The following SNX29 variants were observed in gnomAD, a reference collection of about 807,000 sequenced individuals.
The protein encoded by SNX29 is sorting nexin 29, also known as sorting nexin-29.
A neutral mutation model predicts 102.1 loss-of-function variants in SNX29; 78 were observed. That is an observed-to-expected ratio of 0.76 (90% CI 0.64 to 0.92). SNX29 has a LOEUF of 0.92. SNX29 is among the 40% of genes least tolerant of loss of function. SNX29 has a pLI of 0.00. For synonymous variants in SNX29, 580 were observed against 414.5 expected, an observed-to-expected ratio of 1.40 and a Z score of -4.85; for missense variants, 1,280 against 1,061.7, an observed-to-expected ratio of 1.21 and a Z score of -2.86.
chr16:12,033,243 C>CAT (rs572429376), intron 4 of SNX29, among the ~76,000 whole-genome samples: 76 of 151,642 alleles, frequency 5.0e-4, no homozygotes, highest in Admixed American at 7.9e-4. Context: ...CCCCTTTTTT[C>CAT]ATATATATAT....
intron 19 of SNX29, among the ~76,000 whole-genome samples, chr16:12,520,196 G>T (rs780562324): frequency 2.0e-5 from 3 of 152,138 alleles, no homozygotes; most frequent in Non-Finnish European, 2.9e-5. Flanking sequence ...AGTGCCTGGG[G>T]CAGAGGATGA....
intron 15 of SNX29, among the ~76,000 whole-genome samples, chr16:12,328,095 T>A (rs549706851): frequency 6.6e-6 from 1 of 152,254 alleles, no homozygotes; most frequent in African/African-American, 2.4e-5. Context: ...ATTGGTAAAA[T>A]GGAGCTGCAC....
At chr16:12,387,708 C>T (rs1175281146) in intron 16 of SNX29, among the ~76,000 whole-genome samples, 1 of 152,030 alleles carries the variant, frequency 6.6e-6, no homozygotes, top group Non-Finnish European at 1.5e-5. Context: ...AGTGTTGAGG[C>T]CCGAGTCTAC....
chr16:12,554,700 T>C (rs933617322), intron 20 of SNX29, among the ~76,000 whole-genome samples: 1 of 152,222 alleles, frequency 6.6e-6, no homozygotes, highest in Non-Finnish European at 1.5e-5. Flanking sequence ...TCCCTGCCCA[T>C]GCCTGGTGAC....
chr16:12,510,733 A>T (rs1438000823), intron 19 of SNX29, among the ~76,000 whole-genome samples: 1 of 150,304 alleles, frequency 6.7e-6, no homozygotes, highest in Non-Finnish European at 1.5e-5. Context: ...CTCCTCCCCC[A>T]CCCCCCAGCT....
chr16:12,520,139 G>A (rs957145636), intron 19 of SNX29, among the ~76,000 whole-genome samples: 1 of 152,206 alleles, frequency 6.6e-6, no homozygotes, highest in African/African-American at 2.4e-5. Flanking sequence ...CCGCGATTCA[G>A]GCCAGGGTGT....
intron 9 of SNX29, among the ~76,000 whole-genome samples, chr16:12,068,829 C>A (rs2051159842): frequency 6.6e-6 from 1 of 152,160 alleles, no homozygotes. Flanking sequence ...GCCGCCATGC[C>A]CGGCCAAGTA....
Position 12,571,838 on chromosome 16 carries a change from A to G in SNX29, c.*3209A>G, listed in dbSNP as rs1211137402. On this transcript the variant is annotated 3_prime_UTR_variant, in exon 21 of 21. Transcript: ENST00000566228. ...GCTTCTTTGATTCCCACTTAGCAGT[A>G]TGCTCCAATCACGTTGCTGGCAAGG... The G allele has an allele frequency of 2.9e-6, 3 of 1,050,108 alleles. No individual in the cohort carries two copies. Among genetic ancestry groups the G allele is most frequent in the Non-Finnish European group, 3.5e-6 (3 of 866,618 alleles). The allele number at this position is 1,050,108 out of a possible 1,614,324, so 65.0% of individuals were successfully genotyped here.
At chr16:12,280,513 T>A (rs1461070414) in intron 15 of SNX29, among the ~76,000 whole-genome samples, 2 of 151,730 alleles carry the variant, frequency 1.3e-5, no homozygotes, top group Non-Finnish European at 2.9e-5. Context: ...CAAGCTTCCT[T>A]TCTTTTCCTT....
intron 3 of SNX29, among the ~76,000 whole-genome samples, chr16:12,004,209 C>CG (rs1398971784): frequency 6.6e-6 from 1 of 151,106 alleles, no homozygotes; most frequent in Non-Finnish European, 1.5e-5. Context: ...GGCACGGTGG[C>CG]GGGTGCCTGT....
At chr16:12,535,661 C>T (rs1002800587) in intron 20 of SNX29, among the ~76,000 whole-genome samples, 12 of 152,158 alleles carry the variant, frequency 7.9e-5, no homozygotes, top group Non-Finnish European at 1.5e-4. Flanking sequence ...TGAATATCTT[C>T]AGGGCTGGGG....
At chr16:12,214,936 G>T (rs1313053935) in intron 14 of SNX29, among the ~76,000 whole-genome samples, 4 of 152,184 alleles carry the variant, frequency 2.6e-5, no homozygotes, top group African/African-American at 9.7e-5. Context: ...CAGGATATAA[G>T]GTCATGAGAG....
chr16:11,983,045 C>T (rs2150962407), intron 1 of SNX29, among the ~76,000 whole-genome samples: 1 of 152,080 alleles, frequency 6.6e-6, no homozygotes, highest in African/African-American at 2.4e-5. Context: ...ATTCTCTTGC[C>T]TCAGCCTCCT....
intron 19 of SNX29, among the ~76,000 whole-genome samples, chr16:12,488,546 C>T (rs1035615571): frequency 5.3e-5 from 8 of 152,086 alleles, no homozygotes; most frequent in African/African-American, 9.7e-5. Context: ...GGTACAGAGT[C>T]GAACCTGTTT....
At chr16:12,275,881 G>GTT (rs34099498) in intron 14 of SNX29, among the ~76,000 whole-genome samples, 3,294 of 103,904 alleles carry the variant, frequency 0.032, 47 homozygotes, top group African/African-American at 0.062. Context: ...CATTTTAATT[G>GTT]TTTTTTTTTT....
At chr16:12,335,762 T>G (rs1297303182) in intron 15 of SNX29, among the ~76,000 whole-genome samples, 3 of 151,928 alleles carry the variant, frequency 2.0e-5, no homozygotes, top group Non-Finnish European at 2.9e-5. Flanking sequence ...GTGTGTTAAG[T>G]GCCTTCCCCA....
At chr16:12,533,933 A>C (rs928097698) in intron 20 of SNX29, among the ~76,000 whole-genome samples, 3 of 152,380 alleles carry the variant, frequency 2.0e-5, no homozygotes, top group Admixed American at 1.3e-4. Flanking sequence ...CTGATGTTTA[A>C]GTTGGTTGGA....
chr16:12,001,869 T>C (rs1157006839), intron 2 of SNX29, among the ~76,000 whole-genome samples: 1 of 151,752 alleles, frequency 6.6e-6, no homozygotes, highest in African/African-American at 2.4e-5. Context: ...AAATAAAAAA[T>C]ATCAGTTGGA....
chr16:12,090,567 C>G (rs1287617378), intron 11 of SNX29, among the ~76,000 whole-genome samples: 1 of 152,164 alleles, frequency 6.6e-6, no homozygotes, highest in Non-Finnish European at 1.5e-5. Flanking sequence ...AAACCCTAGT[C>G]CCGGGGTTTA....
Sources: allele counts gnomAD v4.1 joint callset (sites outside exome capture counted in the v4.1 genomes callset), GRCh38; gene constraint gnomAD v4.1.1; transcripts MANE v1.5; gene names NCBI Gene and HGNC (gene_info 2026-07-23, HGNC 2026-07-21).